Variants in KIF2A observed in about 807,000 individuals in gnomAD.
KIF2A encodes the protein kinesin family member 2A.
Under a neutral mutation model 100.2 loss-of-function variants are expected in KIF2A, and 22 were observed. That is an observed-to-expected ratio of 0.22 (90% confidence interval 0.16 to 0.31). KIF2A has a LOEUF of 0.31. Ranked by LOEUF, KIF2A falls within the 10% of genes least tolerant of loss-of-function variation. KIF2A has a pLI of 1.00. For synonymous variants in KIF2A, 268 were observed against 285.9 expected, an observed-to-expected ratio of 0.94 and a Z score of 0.63; for missense variants, 495 against 898.7, an observed-to-expected ratio of 0.55 and a Z score of 5.74.
chr5:62,306,624 T>C, intron 1 of KIF2A, 88 bp downstream of exon 1: 1 of 1,094,930 alleles, frequency 9.1e-7, no homozygotes, highest in South Asian at 1.4e-5. Context: ...GCCTCATTGA[T>C]TGCTTCGCCG....
intron 14 of KIF2A, among the ~76,000 whole-genome samples, 183 bp from the exon 15 acceptor site, chr5:62,365,060 C>A (rs965039287): frequency 1.3e-5 from 2 of 152,022 alleles, no homozygotes; most frequent in Non-Finnish European, 2.9e-5. Flanking sequence ...GCCACCACAC[C>A]CCAGCCTGGG....
chr5:62,361,612 G>T (rs1748411942), intron 11 of KIF2A, 83 bp downstream of exon 11: 2 of 774,448 alleles, frequency 2.6e-6, no homozygotes, highest in Non-Finnish European at 4.5e-6. Context: ...TTAAAATATT[G>T]TTCAGCAACT....
chr5:62,317,954 G>C (rs1692561464), intron 1 of KIF2A, among the ~76,000 whole-genome samples: 3 of 152,160 alleles, frequency 2.0e-5, no homozygotes, highest in African/African-American at 7.2e-5. Flanking sequence ...AATTTAAACA[G>C]GAACAAATGC....
At chr5:62,316,975 G>A (rs539633876) in intron 1 of KIF2A, among the ~76,000 whole-genome samples, 1 of 151,944 alleles carries the variant, frequency 6.6e-6, no homozygotes, top group South Asian at 2.1e-4. Context: ...TAGTCTATTG[G>A]CCAATGTTAG....
chr5:62,381,581 C>T (rs1452260427), intron 20 of KIF2A, among the ~76,000 whole-genome samples: 1 of 152,198 alleles, frequency 6.6e-6, no homozygotes, highest in Admixed American at 6.5e-5. Flanking sequence ...CTTTCTGTGC[C>T]TTTTTTCGGG....
chr5:62,323,955 G>A (rs1013609517), intron 1 of KIF2A, among the ~76,000 whole-genome samples: 2 of 151,920 alleles, frequency 1.3e-5, no homozygotes, highest in African/African-American at 2.4e-5. Flanking sequence ...GATCCCTTGA[G>A]CCCCAGAGGT....
At chr5:62,339,046 T>C (rs968667776) in intron 1 of KIF2A, among the ~76,000 whole-genome samples, 8 of 152,204 alleles carry the variant, frequency 5.3e-5, no homozygotes, top group African/African-American at 1.9e-4. Context: ...ATACTGTGTG[T>C]TAGGCCCATC....
chr5:62,371,992 A>G (rs527647222), intron 16 of KIF2A, among the ~76,000 whole-genome samples: 12 of 152,346 alleles, frequency 7.9e-5, no homozygotes, highest in African/African-American at 2.6e-4. Context: ...AATTCATTAC[A>G]AACAATGGAT....
At chr5:62,315,379 T>G (rs191606969) in intron 1 of KIF2A, among the ~76,000 whole-genome samples, 1 of 152,256 alleles carries the variant, frequency 6.6e-6, no homozygotes, top group East Asian at 1.9e-4. Flanking sequence ...TGATGAAGCT[T>G]AACTTGTCAC....
At chr5:62,318,945 T>C (rs575218087) in intron 1 of KIF2A, among the ~76,000 whole-genome samples, 1 of 152,348 alleles carries the variant, frequency 6.6e-6, no homozygotes, top group Admixed American at 6.5e-5. Flanking sequence ...ACTCTATTGC[T>C]CCAGTCAGAA....
intron 18 of KIF2A, among the ~76,000 whole-genome samples, chr5:62,375,055 G>C (rs1013801184): frequency 1.3e-5 from 2 of 152,076 alleles, no homozygotes; most frequent in East Asian, 3.8e-4. Context: ...TTGCTTTTCT[G>C]TATGATTAAA....
intron 1 of KIF2A, among the ~76,000 whole-genome samples, chr5:62,319,603 C>A (rs1046337028): frequency 3.9e-5 from 6 of 152,070 alleles, no homozygotes; most frequent in Admixed American, 2.6e-4. Flanking sequence ...CTTTATATTC[C>A]CCACTGCCTA....
chr5:62,381,916 T>G (rs1741787086), intron 20 of KIF2A, among the ~76,000 whole-genome samples: 1 of 152,232 alleles, frequency 6.6e-6, no homozygotes, highest in Non-Finnish European at 1.5e-5. Context: ...CCTCTGTACC[T>G]TACTCATGAA....
chr5:62,322,933 G>GAAAAAAAAAAA, intron 1 of KIF2A, among the ~76,000 whole-genome samples: 1 of 3,722 alleles, frequency 2.7e-4, no homozygotes, highest in South Asian at 8.3e-3. Context: ...ATTCAATTTA[G>GAAAAAAAAAAA]TAAAAAAAAA....
At chr5:62,366,345 G>A (rs901209034) in intron 15 of KIF2A, 69 bp from the exon 16 acceptor site, 6 of 895,776 alleles carry the variant, frequency 6.7e-6, no homozygotes, top group African/African-American at 6.7e-5. Flanking sequence ...TAAATGAGCT[G>A]TATGTCAGTA....
In KIF2A at chr5:62,361,537, T is replaced by A; in HGVS notation, c.1027+8T>A. 2 of 1,509,900 alleles carry A rather than the reference T, an allele frequency of 1.3e-6. No homozygotes were observed. The highest frequency in any genetic ancestry group is 1.8e-6 in the Non-Finnish European group (2 of 1,091,584). The allele number at this position is 1,509,900 out of a possible 1,614,324, so 93.5% of individuals were successfully genotyped here. The stretch of plus-strand genomic sequence containing the variant: ...GAATTTATGCATTAGCAGGTAACTG[T>A]CCTTTTTCCATAAAATTTGGAATAT... On this transcript the variant is annotated splice_region_variant and intron_variant, in intron 11 of 20. Coordinates refer to ENST00000407818, the MANE Select transcript of KIF2A (RefSeq NM_001098511.3).
intron 19 of KIF2A, among the ~76,000 whole-genome samples, chr5:62,378,016 A>AT (rs1485210874): frequency 6.6e-6 from 1 of 152,084 alleles, no homozygotes; most frequent in African/African-American, 2.4e-5. Flanking sequence ...TCATTTGTCC[A>AT]TTTTTAGGGA....
intron 1 of KIF2A, among the ~76,000 whole-genome samples, chr5:62,325,288 T>C (rs1294562983): frequency 6.6e-6 from 1 of 152,040 alleles, no homozygotes; most frequent in Non-Finnish European, 1.5e-5. Context: ...TATGCCCGGC[T>C]AATTTTTGTA....
rs934433919 is a variant in KIF2A at position 62,390,435 on chromosome 5, A to G, written c.*4866A>G. The stretch of plus-strand genomic sequence containing the variant: ...GTAGGATTCTAACTGGCATTATTGT[A>G]TGCTTAAGATTGATTTAACAACAGC... On this transcript the variant is annotated 3_prime_UTR_variant, in exon 21 of 21. Coordinates refer to ENST00000407818, the MANE Select transcript of KIF2A (RefSeq NM_001098511.3). Among the ~76,000 whole-genome samples, 1 of 152,244 alleles carries G rather than the reference A, an allele frequency of 6.6e-6. No individual in the cohort carries two copies. The highest frequency in any genetic ancestry group is 2.4e-5 in the African/African-American group (1 of 41,466).
Sources: gnomAD v4.1 joint callset for allele counts (sites outside exome capture counted in the v4.1 genomes callset) on GRCh38, gnomAD v4.1.1 for gene constraint, MANE v1.5 for transcripts, NCBI Gene and HGNC (gene_info 2026-07-23, HGNC 2026-07-21) for gene names.